The following LMF1 variants were observed in gnomAD, a reference collection of about 807,000 sequenced individuals.
The protein encoded by LMF1 is transmembrane protein 112.
LMF1 carries 68 observed loss-of-function variants against 60.6 expected under a neutral mutation model. The observed-to-expected ratio is 1.12, with a 90% CI of 0.92 to 1.37. The LOEUF (loss-of-function observed/expected upper bound fraction) is 1.37. LMF1 is among the 40% of genes most tolerant of loss of function. LMF1 has a pLI of 0.00. For synonymous variants in LMF1, 418 were observed against 324.7 expected (o/e 1.29, Z -3.09); for missense variants, 948 against 767.2 (o/e 1.24, Z -2.78).
intron 1 of LMF1, 57 bp downstream of exon 1, chr16:970,731 G>A (rs1402838154): frequency 4.2e-6 from 6 of 1,445,182 alleles, no homozygotes; most frequent in Admixed American, 4.3e-5. Flanking sequence ...GGGAGGGCGG[G>A]GGTCGTGGTG....
chr16:914,821 C>T (rs992592498), intron 3 of LMF1, among the ~76,000 whole-genome samples: 1 of 136,284 alleles, frequency 7.3e-6, no homozygotes, highest in Non-Finnish European at 1.6e-5. Flanking sequence ...CTTCCCATGA[C>T]CATCTCCCTC....
chr16:966,554 A>G lies in LMF1; in HGVS notation c.193+4234T>C, dbSNP rs187901625. On this transcript the variant is annotated intron_variant, in intron 1 of 10. Transcript: ENST00000262301. The stretch of plus-strand genomic sequence containing the variant: ...ACCTACAGATCCCTTCCGAATTGTA[A>G]CAATATCTCATAAATGTTTGAGCTT... Among the ~76,000 whole-genome samples the G allele has an allele frequency of 1.5e-3, 223 of 152,362 alleles. 1 individual carries two copies. The highest frequency in any genetic ancestry group is 5.1e-3 in the African/African-American group (213 of 41,586).
chr16:855,462 C>A (rs1033439101), intron 10 of LMF1: 11 of 356,096 alleles, frequency 3.1e-5, no homozygotes, highest in Non-Finnish European at 6.1e-5. Context: ...CAAGCCCTCA[C>A]TGGACTCTCG....
At position 897,299 on chromosome 16, in the gene LMF1, T is replaced by C. The variant is rs1284961282; in HGVS notation, c.664-4227A>G. On this transcript the variant is annotated intron_variant, in intron 4 of 10. Transcript: ENST00000262301. The surrounding 1 kb of genome is among the most constrained non-coding windows in gnomAD (Gnocchi z 4.3). ...CTCACTTGGCCCCCAGAGGCCGCCA[T>C]CCACCCTGCAGCGACAGCCCCCTGT... is the stretch of plus-strand genomic sequence containing the variant. Among the ~76,000 whole-genome samples, 1 of 152,160 alleles carries C rather than the reference T, an allele frequency of 6.6e-6. No homozygotes were observed. Among genetic ancestry groups the C allele is most frequent in the Non-Finnish European group, 1.5e-5 (1 of 68,016 alleles).
At chr16:894,256 C>G (rs1212274122) in intron 4 of LMF1, among the ~76,000 whole-genome samples, 1 of 31,356 alleles carries the variant, frequency 3.2e-5, no homozygotes, top group African/African-American at 1.1e-4. Flanking sequence ...CTGGACCGTC[C>G]GCCCACCTGT....
intron 1 of LMF1, among the ~76,000 whole-genome samples, chr16:956,325 T>G (rs945488444): frequency 1.3e-5 from 2 of 152,004 alleles, no homozygotes; most frequent in African/African-American, 2.4e-5. Context: ...CGTCAGTATT[T>G]GTAGAACACT....
At chr16:873,061 T>A (rs1221947016) in intron 6 of LMF1, 1 of 152,276 alleles carries the variant, frequency 6.6e-6, no homozygotes, top group East Asian at 1.9e-4. Flanking sequence ...ATCCTGTTTC[T>A]AAGAAAGCTT....
chr16:978,385 G>A (rs2073238931), intron 1 of LMF1, among the ~76,000 whole-genome samples: 1 of 151,698 alleles, frequency 6.6e-6, no homozygotes, highest in African/African-American at 2.4e-5. Flanking sequence ...GCGCCTCCGG[G>A]GTCGCCATCC....
intron 2 of LMF1, 152 bp downstream of exon 2, chr16:954,205 G>A (rs765290632): frequency 2.4e-5 from 20 of 840,702 alleles, no homozygotes; most frequent in Admixed American, 1.8e-4. Flanking sequence ...TGCACTGGCC[G>A]CTCTGCCATG....
intron 3 of LMF1, among the ~76,000 whole-genome samples, chr16:912,818 C>T (rs931843775): frequency 9.8e-5 from 15 of 152,348 alleles, no homozygotes; most frequent in African/African-American, 3.1e-4. Context: ...CCAGCAGCTG[C>T]GCGGCGTGCA....
chr16:943,773 T>C (rs2072169914), intron 2 of LMF1, among the ~76,000 whole-genome samples: 1 of 149,036 alleles, frequency 6.7e-6, no homozygotes, highest in East Asian at 2.0e-4. Flanking sequence ...CCTTGAGTCC[T>C]GGTGTGTATC....
intron 10 of LMF1, among the ~76,000 whole-genome samples, chr16:864,286 T>G (rs891444065): frequency 6.6e-6 from 1 of 152,268 alleles, no homozygotes; most frequent in Non-Finnish European, 1.5e-5. Context: ...TCTATCCTTT[T>G]ACTTTCAACC....
At position 878,979 on chromosome 16, in the gene LMF1, G is replaced by A. The variant is rs1028901133; in HGVS notation, c.897+591C>T. On this transcript the variant is annotated intron_variant, in intron 6 of 10. Transcript: ENST00000262301. The surrounding 1 kb of genome is among the most constrained non-coding windows in gnomAD (Gnocchi z 5.2). ...AAAGCAAAGGCTCGGGACTGGCCCA[G>A]CCCCCCTGGAGGCAGCGTGGGGGTG... 5.9e-5 allele frequency among the ~76,000 whole-genome samples: 9 copies of A among 152,148 alleles called. No homozygotes were observed. Among genetic ancestry groups the A allele is most frequent in the Non-Finnish European group, 1.0e-4 (7 of 68,026 alleles).
rs2069441703 is a variant in LMF1, at chr16:860,845, C to T, written c.1530-6139G>A. 2.0e-5 allele frequency among the ~76,000 whole-genome samples: 3 copies of T among 152,174 alleles called. No individual in the cohort carries two copies. The South Asian group carries it at 6.2e-4, about 32-fold the overall frequency. The stretch of plus-strand genomic sequence containing the variant: ...GTTCCATGGAATTGCATGTCTGTCC[C>T]TCTGTCAATACTACACTGTGTTGAC... On this transcript the variant is annotated intron_variant, in intron 10 of 10. Transcript: ENST00000262301.
Position 954,447 on chromosome 16 carries a change from G to A in LMF1, c.413C>T (p.Ser138Phe). The A allele has an allele frequency of 1.2e-6, 2 of 1,612,998 alleles. No homozygotes were observed. Among genetic ancestry groups the A allele is most frequent in the Non-Finnish European group, 1.7e-6 (2 of 1,179,630 alleles). ...GGCGCAGCCCGTGATCAGTACGAAA[G>A]ACGAGATGCCCAGTCCGAGAAGAGC... is the stretch of plus-strand genomic sequence containing the variant. ...LLALLGLGIS[S>F]FVLITGCANM... Residue 138 changes from serine to phenylalanine, a missense_variant, in exon 2 of 11, where the codon TCT (serine) becomes TTT (phenylalanine). Coordinates refer to ENST00000262301, the MANE Select transcript of LMF1 (RefSeq NM_022773.4).
At chr16:889,226 G>C (rs2070403325) in intron 5 of LMF1, among the ~76,000 whole-genome samples, 1 of 152,236 alleles carries the variant, frequency 6.6e-6, no homozygotes, top group African/African-American at 2.4e-5. Flanking sequence ...CACCCTCCAG[G>C]GGGCTGGCCC....
In LMF1 at chr16:897,683, G is replaced by A. The variant is rs970149665; in HGVS notation, c.664-4611C>T. On this transcript the variant is annotated intron_variant, in intron 4 of 10. Coordinates refer to ENST00000262301, the MANE Select transcript of LMF1 (RefSeq NM_022773.4). This position sits in a 1 kb window ranked among gnomAD's most constrained non-coding sequence, Gnocchi z 4.3. ...TGAGAGCTGGGGGTGGGTGGAAACCGTGTCTCAGGGTGAAGGGACCGCTGG... is the reference window on the plus strand; with the variant it reads ...TGAGAGCTGGGGGTGGGTGGAAACCATGTCTCAGGGTGAAGGGACCGCTGG... Among the ~76,000 whole-genome samples, 2 of 152,274 alleles carry A rather than the reference G, an allele frequency of 1.3e-5. No individual in the cohort carries two copies. Among genetic ancestry groups the A allele is most frequent in the Non-Finnish European group, 2.9e-5 (2 of 68,002 alleles).
At chr16:917,504 G>C (rs1159270007) in intron 3 of LMF1, among the ~76,000 whole-genome samples, 1 of 150,644 alleles carries the variant, frequency 6.6e-6, no homozygotes, top group East Asian at 2.0e-4. Context: ...CCCACGTGAA[G>C]AAATGCCACA....
intron 5 of LMF1, among the ~76,000 whole-genome samples, chr16:888,509 G>A (rs1427508801): frequency 6.6e-6 from 1 of 151,906 alleles, no homozygotes; most frequent in Non-Finnish European, 1.5e-5. Flanking sequence ...AGTGGAGAGA[G>A]AGGACAGGCC....
Sources: gnomAD v4.1 joint callset for allele counts (sites outside exome capture counted in the v4.1 genomes callset) on GRCh38, gnomAD v4.1.1 for gene constraint, Gnocchi (gnomAD v3.1) non-coding constraint, MANE v1.5 for transcripts, NCBI Gene and HGNC (gene_info 2026-07-23, HGNC 2026-07-21) for gene names.